CTDSPL2: variants seen among roughly 807,000 people sequenced by gnomAD.
CTDSPL2 encodes the protein CTD small phosphatase-like protein 2.
A neutral mutation model predicts 60.0 loss-of-function variants in CTDSPL2; 5 were observed. The ratio of observed to expected loss-of-function variants is 0.08; its 90% CI spans 0.04 to 0.18. The LOEUF (loss-of-function observed/expected upper bound fraction) is 0.18, where lower values mean the gene tolerates loss of function less well. Among genes scored for constraint, CTDSPL2 ranks in the 10% least tolerant of loss-of-function variants. The pLI is 1.00. For missense variants in CTDSPL2, 370 were observed against 548.8 expected, an observed-to-expected ratio of 0.67 and a Z score of 3.26; for synonymous variants, 186 against 189.3, an observed-to-expected ratio of 0.98 and a Z score of 0.14.
intron 7 of CTDSPL2, among the ~76,000 whole-genome samples, chr15:44,497,613 G>A (rs1346639181): frequency 2.6e-5 from 4 of 151,934 alleles, no homozygotes; most frequent in Admixed American, 6.6e-5. Context: ...CTCATGATCC[G>A]CCCGCCTCGG....
chr15:44,483,180 A>G (rs2081059485), intron 2 of CTDSPL2, among the ~76,000 whole-genome samples: 1 of 150,146 alleles, frequency 6.7e-6, no homozygotes, highest in South Asian at 2.1e-4. Flanking sequence ...AATCGCTTGA[A>G]CCCAGGAGGC....
intron 2 of CTDSPL2, among the ~76,000 whole-genome samples, chr15:44,464,640 G>A (rs2080646438): frequency 6.6e-6 from 1 of 152,126 alleles, no homozygotes; most frequent in Non-Finnish European, 1.5e-5. Flanking sequence ...GTCTGTGTAT[G>A]GTCTGTGTCT....
chr15:44,498,417 G>C (rs2081336355), intron 7 of CTDSPL2, among the ~76,000 whole-genome samples: 1 of 151,664 alleles, frequency 6.6e-6, no homozygotes, highest in Non-Finnish European at 1.5e-5. Context: ...AACATAGTGA[G>C]ACCCACGTCT....
At chr15:44,462,066 C>G (rs2080582852) in intron 2 of CTDSPL2, among the ~76,000 whole-genome samples, 1 of 152,156 alleles carries the variant, frequency 6.6e-6, no homozygotes, top group Non-Finnish European at 1.5e-5. Flanking sequence ...TTCAGCGTCC[C>G]AAGTAGCTGG....
At chr15:44,482,673 G>T (rs1051562459) in intron 2 of CTDSPL2, among the ~76,000 whole-genome samples, 2 of 152,110 alleles carry the variant, frequency 1.3e-5, no homozygotes, top group Non-Finnish European at 2.9e-5. Context: ...TTTTATTGTG[G>T]ATCACTGAGG....
intron 1 of CTDSPL2, among the ~76,000 whole-genome samples, chr15:44,433,089 C>T (rs911875273): frequency 1.6e-4 from 25 of 151,544 alleles, no homozygotes; most frequent in African/African-American, 3.1e-4. Context: ...CTGAGGCAGG[C>T]GGATCCCCTG....
intron 1 of CTDSPL2, among the ~76,000 whole-genome samples, chr15:44,432,005 T>A (rs931444326): frequency 1.3e-5 from 2 of 151,966 alleles, no homozygotes; most frequent in Non-Finnish European, 2.9e-5. Flanking sequence ...ATTACAGGTG[T>A]GAGCCACCGC....
chr15:44,463,857 T>G (rs1454757045), intron 2 of CTDSPL2, among the ~76,000 whole-genome samples: 1 of 152,212 alleles, frequency 6.6e-6, no homozygotes, highest in African/African-American at 2.4e-5. Flanking sequence ...TAAAACCTAT[T>G]GAATATTAAC....
At chr15:44,506,929 G>A (rs2081477926) in intron 8 of CTDSPL2, among the ~76,000 whole-genome samples, 1 of 151,560 alleles carries the variant, frequency 6.6e-6, no homozygotes, top group Non-Finnish European at 1.5e-5. Context: ...ACTACACCCG[G>A]CTAATTTTTT....
At chr15:44,448,881 A>T in intron 1 of CTDSPL2, 1 of 413,508 alleles carries the variant, frequency 2.4e-6, no homozygotes, top group Non-Finnish European at 4.5e-6. Context: ...GCAGTTGGCC[A>T]TTGAATGTAG....
intron 10 of CTDSPL2, 26 bp from the exon 11 acceptor site, chr15:44,519,143 T>A (rs755791899): frequency 1.9e-5 from 27 of 1,434,722 alleles, no homozygotes; most frequent in East Asian, 5.4e-5. Context: ...TTTTTTTTTT[T>A]AATTTGTTTT....
intron 1 of CTDSPL2, among the ~76,000 whole-genome samples, chr15:44,442,178 C>T (rs576227120): frequency 2.3e-4 from 35 of 152,192 alleles, no homozygotes; most frequent in Admixed American, 5.2e-4. Context: ...TGGCCAGGTG[C>T]GGTGGCTCAT....
At chr15:44,496,973 T>G in intron 6 of CTDSPL2, 54 bp from the exon 7 acceptor site, 1 of 1,009,096 alleles carries the variant, frequency 9.9e-7, no homozygotes, top group South Asian at 1.4e-5. Context: ...CTTAGTAATG[T>G]TCTATATGTA....
intron 12 of CTDSPL2, among the ~76,000 whole-genome samples, chr15:44,521,794 C>T (rs956372458): frequency 2.0e-4 from 30 of 151,008 alleles, no homozygotes; most frequent in African/African-American, 6.1e-4. Flanking sequence ...AAAAATTAGC[C>T]GGGCGTGGTA....
chr15:44,476,154 C>T (rs2080911764), intron 2 of CTDSPL2, among the ~76,000 whole-genome samples: 1 of 152,062 alleles, frequency 6.6e-6, no homozygotes, highest in Non-Finnish European at 1.5e-5. Context: ...CTGCCAGCTC[C>T]ACCTCCCGGG....
At chr15:44,486,814 T>G (rs2081129137) in intron 4 of CTDSPL2, 114 bp downstream of exon 4, 2 of 731,918 alleles carry the variant, frequency 2.7e-6, no homozygotes. Flanking sequence ...CAGGCTGGAG[T>G]GCAGTGACGC....
chr15:44,525,460 G>A lies in CTDSPL2; in HGVS notation c.*1286G>A. The A allele has an allele frequency of 5.0e-6, 2 of 398,880 alleles. No individual in the cohort carries two copies. The highest frequency in any genetic ancestry group is 7.1e-5 in the East Asian group (2 of 28,064). The allele number at this position is 398,880 out of a possible 1,614,324, so 24.7% of individuals were successfully genotyped here. A position where few individuals can be genotyped will look rare whatever the true frequency, so the allele number is the denominator to read the frequency against. The stretch of plus-strand genomic sequence containing the variant: ...TTTATGGAAGGTAGAATTTGTAAAA[G>A]TTCGTATGCTTTGCCTCTCAACTGC... On this transcript the variant is annotated 3_prime_UTR_variant, in exon 13 of 13. Coordinates refer to ENST00000260327, the MANE Select transcript of CTDSPL2 (RefSeq NM_016396.3).
At chr15:44,481,483 T>TAA (rs1028187806) in intron 2 of CTDSPL2, among the ~76,000 whole-genome samples, 5 of 152,212 alleles carry the variant, frequency 3.3e-5, no homozygotes, top group African/African-American at 1.2e-4. Flanking sequence ...ACAAACTGAA[T>TAA]AATTAGAGTT....
At chr15:44,519,031 C>A in intron 10 of CTDSPL2, 138 bp from the exon 11 acceptor site, 1 of 474,568 alleles carries the variant, frequency 2.1e-6, no homozygotes. Context: ...CGCTTAGACC[C>A]ATATTTGTGT....
Sources: allele counts gnomAD v4.1 joint callset (sites outside exome capture counted in the v4.1 genomes callset), GRCh38; gene constraint gnomAD v4.1.1; transcripts MANE v1.5; gene names NCBI Gene and HGNC (gene_info 2026-07-23, HGNC 2026-07-21).